The following FSTL5 variants were observed in gnomAD, a reference collection of about 807,000 sequenced individuals.
The protein encoded by FSTL5 is follistatin like 5.
In FSTL5, 62 loss-of-function variants were observed where a neutral mutation model predicts 89.1. That is an observed-to-expected ratio of 0.70 (90% CI 0.57 to 0.86). FSTL5 has a LOEUF of 0.86. Among genes scored for constraint, FSTL5 ranks in the 40% least tolerant of loss-of-function variants. The pLI is 0.00. For synonymous variants in FSTL5, 383 were observed against 346.2 expected (o/e 1.11, Z -1.18); for missense variants, 1,057 against 1,001.6 (o/e 1.06, Z -0.75).
At chr4:161,911,243 T>C (rs756658968) in intron 4 of FSTL5, among the ~76,000 whole-genome samples, 7 of 152,086 alleles carry the variant, frequency 4.6e-5, no homozygotes, top group Non-Finnish European at 1.0e-4. Context: ...AATCTGTAAT[T>C]CTCTTTTCTC....
chr4:161,885,517 C>G (rs1200708098), intron 4 of FSTL5, among the ~76,000 whole-genome samples: 1 of 152,144 alleles, frequency 6.6e-6, no homozygotes, highest in East Asian at 1.9e-4. Flanking sequence ...ACAATCTTGG[C>G]TCACTTCAGC....
In FSTL5 at chr4:161,464,637, A is replaced by T. The variant is rs114910879; in HGVS notation, c.1609-5318T>A. On this transcript the variant is annotated intron_variant, in intron 13 of 15. Coordinates refer to ENST00000306100, the MANE Select transcript of FSTL5 (RefSeq NM_020116.5). ...TTTTTGTGTTTGTTTAGGTCAATGA[A>T]ATAAACCATGCACTTAGAATAATAC... is the stretch of plus-strand genomic sequence containing the variant. Among the ~76,000 whole-genome samples, 556 of 152,322 alleles carry T rather than the reference A, an allele frequency of 3.7e-3. 3 individuals are homozygous for T. Among genetic ancestry groups the T allele is most frequent in the African/African-American group, 0.012 (503 of 41,578 alleles).
In FSTL5 at chr4:161,386,323, G is replaced by C; in HGVS notation, c.1968C>G (p.His656Gln). 6.2e-7 allele frequency: 1 copy of C among 1,613,970 alleles called. No individual in the cohort carries two copies. Among genetic ancestry groups the C allele is most frequent in the Non-Finnish European group, 8.5e-7 (1 of 1,179,940 alleles). ...AGCCAATGAAGTAGTAGCCTCCCAAGTGTGTATATGCCAATGACTGAGGAA... is the reference window on the plus strand; with the variant it reads ...AGCCAATGAAGTAGTAGCCTCCCAACTGTGTATATGCCAATGACTGAGGAA... ...KCVPQSLAYT[H>Q]LGGYYFIGCK... The change falls in exon 16 of 16, where the codon CAC becomes CAG. Residue 656 changes from histidine (H) to glutamine (Q), a missense_variant. Transcript: ENST00000306100.
chr4:161,988,412 A>G (rs927411698), intron 3 of FSTL5, among the ~76,000 whole-genome samples: 1 of 152,192 alleles, frequency 6.6e-6, no homozygotes, highest in Non-Finnish European at 1.5e-5. Flanking sequence ...AAAGAATTAC[A>G]GTATTAGTCA....
intron 3 of FSTL5, among the ~76,000 whole-genome samples, chr4:161,940,125 C>G (rs1196752577): frequency 6.6e-6 from 1 of 151,634 alleles, no homozygotes; most frequent in Non-Finnish European, 1.5e-5. Flanking sequence ...AAATTCTATC[C>G]TCTAATAAAG....
At chr4:161,646,528 C>G (rs545227923) in intron 7 of FSTL5, among the ~76,000 whole-genome samples, 12 of 152,018 alleles carry the variant, frequency 7.9e-5, no homozygotes, top group African/African-American at 2.6e-4. Context: ...AAAATCCAGA[C>G]ATATTATGAA....
intron 3 of FSTL5, among the ~76,000 whole-genome samples, chr4:162,025,841 T>C (rs187253304): frequency 1.0e-3 from 153 of 152,126 alleles, no homozygotes; most frequent in African/African-American, 3.3e-3. Context: ...AAGTCATAGG[T>C]ATAATACCAC....
chr4:161,478,684 C>A (rs557416771), intron 13 of FSTL5, among the ~76,000 whole-genome samples: 3 of 151,832 alleles, frequency 2.0e-5, no homozygotes, highest in African/African-American at 7.2e-5. Context: ...AGAATATCTT[C>A]TTGTTCAAAT....
intron 7 of FSTL5, among the ~76,000 whole-genome samples, chr4:161,634,749 T>C (rs1735628860): frequency 6.6e-6 from 1 of 151,880 alleles, no homozygotes; most frequent in African/African-American, 2.4e-5. Context: ...ATGAGAAAAA[T>C]GGGAGGACAT....
intron 15 of FSTL5, among the ~76,000 whole-genome samples, chr4:161,445,912 GAA>G (rs1732928017): frequency 6.6e-6 from 1 of 151,866 alleles, no homozygotes. Context: ...AAGTAAATGT[GAA>G]AGAGTAATCA....
At chr4:161,520,946 C>A (rs1449391820) in intron 10 of FSTL5, among the ~76,000 whole-genome samples, 1 of 152,226 alleles carries the variant, frequency 6.6e-6, no homozygotes, top group Admixed American at 6.5e-5. Context: ...CACTGGCCAA[C>A]TCATCTTTAG....
chr4:161,394,554 C>A (rs1256073847), intron 15 of FSTL5, among the ~76,000 whole-genome samples: 3 of 152,130 alleles, frequency 2.0e-5, no homozygotes, highest in Non-Finnish European at 4.4e-5. Context: ...AGATTACAGG[C>A]GTGAGCCACT....
At chr4:161,987,896 A>C (rs1413101477) in intron 3 of FSTL5, among the ~76,000 whole-genome samples, 1 of 151,788 alleles carries the variant, frequency 6.6e-6, no homozygotes, top group Non-Finnish European at 1.5e-5. Context: ...CAAATAAAAA[A>C]AACTTAGGTT....
At chr4:161,656,571 A>G in intron 6 of FSTL5, 77 bp from the exon 7 acceptor site, 1 of 831,024 alleles carries the variant, frequency 1.2e-6, no homozygotes, top group Non-Finnish European at 1.7e-6. Flanking sequence ...TCTGAATACT[A>G]GTAATTAAGG....
intron 4 of FSTL5, among the ~76,000 whole-genome samples, chr4:161,798,911 A>G (rs1396273433): frequency 6.6e-6 from 1 of 151,716 alleles, no homozygotes; most frequent in Non-Finnish European, 1.5e-5. Flanking sequence ...GTGAGGGGGA[A>G]TTTAGACACA....
At chr4:162,126,655 C>T (rs1263757661) in intron 1 of FSTL5, among the ~76,000 whole-genome samples, 1 of 152,056 alleles carries the variant, frequency 6.6e-6, no homozygotes, top group African/African-American at 2.4e-5. Context: ...CAAGATTTTA[C>T]ATCATTTTGT....
At chr4:161,674,676 T>A (rs1357985640) in intron 6 of FSTL5, among the ~76,000 whole-genome samples, 3 of 152,168 alleles carry the variant, frequency 2.0e-5, no homozygotes, top group African/African-American at 7.2e-5. Context: ...GATTGGGACA[T>A]TGCACATTTA....
chr4:162,105,663 C>A (rs532909731), intron 2 of FSTL5, among the ~76,000 whole-genome samples: 1 of 151,696 alleles, frequency 6.6e-6, no homozygotes, highest in Non-Finnish European at 1.5e-5. Flanking sequence ...AATATTCAGC[C>A]TTTTTGGTAT....
At chr4:162,102,701 TTATATATTTA>T (rs1402391982) in intron 2 of FSTL5, among the ~76,000 whole-genome samples, 16 of 145,780 alleles carry the variant, frequency 1.1e-4, no homozygotes, top group African/African-American at 3.7e-4. Flanking sequence ...TATATAATAT[TTATATATTTA>T]TATATATTTA....
Sources: gnomAD v4.1 joint callset for allele counts (sites outside exome capture counted in the v4.1 genomes callset) on GRCh38, gnomAD v4.1.1 for gene constraint, MANE v1.5 for transcripts, NCBI Gene and HGNC (gene_info 2026-07-23, HGNC 2026-07-21) for gene names.